The following SLC26A2 variants were observed in gnomAD, a reference collection of about 807,000 sequenced individuals.
The protein encoded by SLC26A2 is solute carrier family 26 member 2.
A neutral mutation model predicts 41.1 loss-of-function variants in SLC26A2; 36 were observed. That is an observed-to-expected ratio of 0.88 (90% CI 0.67 to 1.16). The LOEUF (loss-of-function observed/expected upper bound fraction) is 1.16, where lower values mean the gene tolerates loss of function less well. SLC26A2 is among the 50% of genes most tolerant of loss of function. SLC26A2 has a pLI of 0.00. For synonymous variants in SLC26A2, 291 were observed against 311.6 expected, an observed-to-expected ratio of 0.93 and a Z score of 0.70; for missense variants, 796 against 869.6, an observed-to-expected ratio of 0.92 and a Z score of 1.07.
In SLC26A2 at chr5:149,985,089, G is replaced by C. The variant is rs1364807091; in HGVS notation, c.*3276G>C. 1.3e-5 allele frequency: 2 copies of C among 152,210 alleles called. No individual in the cohort carries two copies. Among genetic ancestry groups the C allele is most frequent in the African/African-American group, 4.8e-5 (2 of 41,446 alleles). The allele number at this position is 152,210 out of a possible 1,614,324, so 9.4% of individuals were successfully genotyped here. On this transcript the variant is annotated 3_prime_UTR_variant, in exon 3 of 3. Coordinates refer to ENST00000286298, the MANE Select transcript of SLC26A2 (RefSeq NM_000112.4). ...CCTCTACACAATAATAGGGAGACAA[G>C]GATTAGGAGCCATACCTCCCAGAGC...
chr5:149,973,732 T>A (rs1448294593), intron 1 of SLC26A2, among the ~76,000 whole-genome samples: 1 of 152,164 alleles, frequency 6.6e-6, no homozygotes, highest in Admixed American at 6.5e-5. Context: ...CCTCTTAGGC[T>A]CAAGCAGTCT....
intron 1 of SLC26A2, among the ~76,000 whole-genome samples, chr5:149,966,051 T>C (rs1006981347): frequency 6.6e-6 from 1 of 152,204 alleles, no homozygotes; most frequent in African/African-American, 2.4e-5. Flanking sequence ...ATTATAGGCA[T>C]GTGCTACCAC....
chr5:149,972,935 T>C (rs1334967000), intron 1 of SLC26A2, among the ~76,000 whole-genome samples: 2 of 152,228 alleles, frequency 1.3e-5, no homozygotes, highest in African/African-American at 4.8e-5. Context: ...TTATACCTTT[T>C]TAAAAATGTA....
At position 149,981,960 on chromosome 5, in the gene SLC26A2, T is replaced by C. The variant is rs1371520355; in HGVS notation, c.*147T>C. On this transcript the variant is annotated 3_prime_UTR_variant, in exon 3 of 3. Coordinates refer to ENST00000286298, the MANE Select transcript of SLC26A2 (RefSeq NM_000112.4). ...TTCCTCCTTTGAAGCTAATGGCATT[T>C]GTATATACACACTGCAGCAGAGCTT... 3.2e-6 allele frequency: 2 copies of C among 632,154 alleles called. No homozygotes were observed. Among genetic ancestry groups the C allele is most frequent in the African/African-American group, 3.7e-5 (2 of 54,424 alleles). 39.2% of individuals were successfully genotyped at this position (632,154 alleles called of 1,614,324 possible).
At chr5:149,970,023 G>A (rs545548825) in intron 1 of SLC26A2, among the ~76,000 whole-genome samples, 26 of 152,232 alleles carry the variant, frequency 1.7e-4, no homozygotes, top group African/African-American at 2.2e-4. Context: ...GCTAAGCATC[G>A]TTCTTGATAA....
In SLC26A2 at chr5:149,986,675, C is replaced by T. The variant is rs962370486; in HGVS notation, c.*4862C>T. On this transcript the variant is annotated 3_prime_UTR_variant, in exon 3 of 3. Transcript: ENST00000286298. ...GTGTTGAAAATTGGAAAAGAATGGA[C>T]TGAAGTCTAAAAACTGGAATAATGA... is the stretch of plus-strand genomic sequence containing the variant. 3.3e-5 allele frequency: 5 copies of T among 152,026 alleles called. No homozygotes were observed. Among genetic ancestry groups the T allele is most frequent in the African/African-American group, 1.2e-4 (5 of 41,318 alleles). The allele number at this position is 152,026 out of a possible 1,614,324, so 9.4% of individuals were successfully genotyped here. A position where few individuals can be genotyped will look rare whatever the true frequency, so the allele number is the denominator to read the frequency against.
chr5:149,977,395 G>C (rs545460052), intron 1 of SLC26A2, among the ~76,000 whole-genome samples: 1 of 152,276 alleles, frequency 6.6e-6, no homozygotes, highest in East Asian at 1.9e-4. Context: ...CTCTTGGGAA[G>C]TCCTGTACCC....
In SLC26A2 at chr5:149,962,769, C is replaced by T. The variant is rs1381828794; in HGVS notation, c.-26+1790C>T. ...TAAGCTTGGTTTTGGCATGTGGGGG[C>T]GGAAGAGTGGGGTTGGAGAGTTAAG... is the stretch of plus-strand genomic sequence containing the variant. On this transcript the variant is annotated intron_variant, in intron 1 of 2. Transcript: ENST00000286298. Among the ~76,000 whole-genome samples the T allele has an allele frequency of 2.0e-5, 3 of 152,242 alleles. No homozygotes were observed. The South Asian group carries it at 6.2e-4, about 32-fold the overall frequency.
rs137932620 is a variant in SLC26A2, at chr5:149,978,225, T to G, written c.573T>G (p.Ala191=). 3 of 1,614,176 alleles carry G rather than the reference T, an allele frequency of 1.9e-6. No homozygotes were observed. Among genetic ancestry groups the G allele is most frequent in the Admixed American group, 3.3e-5 (2 of 60,026 alleles). Residue 191 remains alanine (A), a synonymous_variant, in exon 2 of 3, where the codon GCT becomes GCG. Transcript: ENST00000286298. ...CTGGCTATGACAATGCCCATAGTGC[T>G]CCTTCCTTAGGAATGGTTTCAAATG... ...QKAGYDNAHS[A]PSLGMVSNGS...
rs1488498989 is a variant in SLC26A2, at chr5:149,978,274, T to C, written c.622T>C (p.Ser208Pro). 3 of 1,614,088 alleles carry C rather than the reference T, an allele frequency of 1.9e-6. No individual in the cohort carries two copies. The highest frequency in any genetic ancestry group is 1.7e-6 in the Non-Finnish European group (2 of 1,179,994). The change falls in exon 2 of 3, where the codon TCA (serine) becomes CCA (proline). Residue 208 changes from serine (S) to proline (P), a missense_variant. Transcript: ENST00000286298. Reference sequence around the variant, plus strand: ...TGGGAGCACATTATTAAATCATACATCAGACAGGATATGTGACAAAAGTTG... The same window carrying C: ...TGGGAGCACATTATTAAATCATACACCAGACAGGATATGTGACAAAAGTTG... ...SNGSTLLNHT[S>P]DRICDKSCYA...
At chr5:149,976,711 T>C (rs766076954) in intron 1 of SLC26A2, among the ~76,000 whole-genome samples, 128 of 152,220 alleles carry the variant, frequency 8.4e-4, no homozygotes, top group Non-Finnish European at 1.5e-3. Flanking sequence ...GTAGATCTTA[T>C]GGCATTAGTT....
chr5:149,978,410 C>T, intron 2 of SLC26A2, 59 bp downstream of exon 2: 1 of 1,244,446 alleles, frequency 8.0e-7, no homozygotes, highest in Non-Finnish European at 1.2e-6. Context: ...CATGAAATCT[C>T]ATATCTCTAA....
At chr5:149,966,604 A>ATT (rs531249868) in intron 1 of SLC26A2, among the ~76,000 whole-genome samples, 7 of 149,820 alleles carry the variant, frequency 4.7e-5, no homozygotes, top group Admixed American at 3.3e-4. Context: ...CAATTTCTGA[A>ATT]TTTTTTTTTT....
At chr5:149,962,328 A>T (rs1466006336) in intron 1 of SLC26A2, 1 of 151,764 alleles carries the variant, frequency 6.6e-6, no homozygotes, top group Non-Finnish European at 1.5e-5. Flanking sequence ...ACTTTTTTTT[A>T]ATTTCTGATT....
In SLC26A2 at chr5:149,986,601, TA is replaced by T. The variant is rs1478331874; in HGVS notation, c.*4790del. ...AAACATGTTAAGTACAGTTAAAAAG[TA>T]AGCATTGTAGTAAATAGTGGATTCT... On this transcript the variant is annotated 3_prime_UTR_variant, in exon 3 of 3. Coordinates refer to ENST00000286298, the MANE Select transcript of SLC26A2 (RefSeq NM_000112.4). 2.6e-5 allele frequency: 4 copies of T among 152,212 alleles called. No individual in the cohort carries two copies. The highest frequency in any genetic ancestry group is 9.7e-5 in the African/African-American group (4 of 41,438). 9.4% of individuals were successfully genotyped at this position (152,212 alleles called of 1,614,324 possible).
In SLC26A2 at chr5:149,982,131, C is replaced by T. The variant is rs1755119223; in HGVS notation, c.*318C>T. The T allele has an allele frequency of 3.8e-6, 1 of 264,116 alleles. No homozygotes were observed. The highest frequency in any genetic ancestry group is 7.1e-6 in the Non-Finnish European group (1 of 139,980). 16.4% of individuals were successfully genotyped at this position (264,116 alleles called of 1,614,324 possible). A position where few individuals can be genotyped will look rare whatever the true frequency, so the allele number is the denominator to read the frequency against. ...TTACTCTCCTGTTTTAGGGGTTATA[C>T]ATTTGGACTGTGCATTCTCCAAGAG... is the stretch of plus-strand genomic sequence containing the variant. On this transcript the variant is annotated 3_prime_UTR_variant, in exon 3 of 3. Coordinates refer to ENST00000286298, the MANE Select transcript of SLC26A2 (RefSeq NM_000112.4).
rs1755195127 is a variant in SLC26A2, at chr5:149,986,184, C to T, written c.*4371C>T. 6.6e-6 allele frequency: 1 copy of T among 151,774 alleles called. No homozygotes were observed. The highest frequency in any genetic ancestry group is 2.1e-4 in the South Asian group (1 of 4,810). 9.4% of individuals were successfully genotyped at this position (151,774 alleles called of 1,614,324 possible). On this transcript the variant is annotated 3_prime_UTR_variant, in exon 3 of 3. Coordinates refer to ENST00000286298, the MANE Select transcript of SLC26A2 (RefSeq NM_000112.4). ...TGAAGTTTCACTAGCAGGGAAGTTT[C>T]CTTGAGCCTAAAATAAAAAGAAAAA...
chr5:149,981,122 T>C lies in SLC26A2; in HGVS notation c.1529T>C (p.Met510Thr). Residue 510 changes from methionine to threonine, a missense_variant, in exon 3 of 3, where the codon ATG (methionine) becomes ACG (threonine). Coordinates refer to ENST00000286298, the MANE Select transcript of SLC26A2 (RefSeq NM_000112.4). ...DLPKMWSISR[M>T]DTVIWFVTML... Reference sequence around the variant, plus strand: ...CCCAAAATGTGGAGTATTAGTAGAATGGATACAGTTATCTGGTTTGTTACT... The same window carrying C: ...CCCAAAATGTGGAGTATTAGTAGAACGGATACAGTTATCTGGTTTGTTACT... 1.2e-6 allele frequency: 2 copies of C among 1,614,166 alleles called. No individual in the cohort carries two copies. The highest frequency in any genetic ancestry group is 1.7e-6 in the Non-Finnish European group (2 of 1,179,980).
chr5:149,978,124 C>T lies in SLC26A2; in HGVS notation c.472C>T (p.Arg158Cys), dbSNP rs762787339. 1.2e-5 allele frequency: 20 copies of T among 1,605,052 alleles called. No homozygotes were observed. In the Admixed American group the frequency reaches 1.7e-4, roughly 14 times the overall value. ...SIIYFLLGTSRHISVGIFGVL... is the reference protein window; with the variant it reads ...SIIYFLLGTSCHISVGIFGVL... ...CATTTATTTTCTCTTGGGTACCTCC[C>T]GTCACATCTCTGTGGGCATTTTTGG... Residue 158 changes from arginine to cysteine, a missense_variant, in exon 2 of 3, where the codon CGT (arginine) becomes TGT (cysteine). Physicochemically the swap from Arg to Cys is radical, Grantham distance 180. Coordinates refer to ENST00000286298, the MANE Select transcript of SLC26A2 (RefSeq NM_000112.4).
Sources: gnomAD v4.1 joint callset for allele counts (sites outside exome capture counted in the v4.1 genomes callset) on GRCh38, gnomAD v4.1.1 for gene constraint, MANE v1.5 for transcripts, NCBI Gene and HGNC (gene_info 2026-07-23, HGNC 2026-07-21) for gene names.